CCNT2: variants seen among roughly 807,000 people sequenced by gnomAD.
The protein encoded by CCNT2 is cyclin T2, also known as cyclin-T2.
CCNT2 carries 18 observed loss-of-function variants against 70.0 expected under a neutral mutation model. The observed-to-expected ratio is 0.26, with a 90% CI of 0.18 to 0.38. The LOEUF (loss-of-function observed/expected upper bound fraction) is 0.38, where lower values mean the gene tolerates loss of function less well. Ranked by LOEUF, CCNT2 falls within the 10% of genes least tolerant of loss-of-function variation. The pLI is 1.00. For synonymous variants in CCNT2, 334 were observed against 313.3 expected, an observed-to-expected ratio of 1.07 and a Z score of -0.70; for missense variants, 734 against 890.2, an observed-to-expected ratio of 0.82 and a Z score of 2.23.
intron 2 of CCNT2, among the ~76,000 whole-genome samples, chr2:134,934,332 G>T (rs571222386): frequency 1.1e-4 from 16 of 152,294 alleles, no homozygotes; most frequent in African/African-American, 3.6e-4. Context: ...AACCAAACCA[G>T]CTGTACTCCT....
Position 134,957,798 on chromosome 2 carries a change from A to AG in CCNT2, c.*3150_*3151insG, listed in dbSNP as rs1683012505. 6.6e-6 allele frequency: 1 copy of AG among 152,184 alleles called. No homozygotes were observed. The highest frequency in any genetic ancestry group is 2.4e-5 in the African/African-American group (1 of 41,446). 9.4% of individuals were successfully genotyped at this position (152,184 alleles called of 1,614,324 possible). A position where few individuals can be genotyped will look rare whatever the true frequency, so the allele number is the denominator to read the frequency against. The stretch of plus-strand genomic sequence containing the variant: ...CAGATTCCTTCTGGTTAAAGTTCTT[A>AG]TTCAGAGTCATCTAAAAGAAATTTC... On this transcript the variant is annotated 3_prime_UTR_variant, in exon 9 of 9. Transcript: ENST00000264157.
chr2:134,937,416 T>G (rs2105050371), intron 3 of CCNT2, among the ~76,000 whole-genome samples: 1 of 152,360 alleles, frequency 6.6e-6, no homozygotes, highest in South Asian at 2.1e-4. Context: ...CATGTACTAC[T>G]GCTTATCTCT....
At position 134,954,189 on chromosome 2, in the gene CCNT2, G is replaced by T; in HGVS notation, c.1734G>T (p.Ser578=). The stretch of plus-strand genomic sequence containing the variant: ...CCAGCAGCCACAAGCATTCCCACTC[G>T]CATAGTGGCAGCAGCAGCGGTGGCA... The part of the protein sequence containing the change: ...HHTSSHKHSH[S]HSGSSSGGSK... The change falls in exon 9 of 9, where the codon TCG becomes TCT. Residue 578 remains serine, a synonymous_variant. Coordinates refer to ENST00000264157, the MANE Select transcript of CCNT2 (RefSeq NM_058241.3). 6.2e-7 allele frequency: 1 copy of T among 1,614,090 alleles called. No homozygotes were observed. The highest frequency in any genetic ancestry group is 8.5e-7 in the Non-Finnish European group (1 of 1,179,990).
chr2:134,959,166 CAG>C lies in CCNT2; in HGVS notation c.*4519_*4520del, dbSNP rs1205931526. ...AAAATACATACTCATTTGTTGTAAA[CAG>C]TGATTGTGGGGTTTCATTTTCTGAA... On this transcript the variant is annotated 3_prime_UTR_variant, in exon 9 of 9. Coordinates refer to ENST00000264157, the MANE Select transcript of CCNT2 (RefSeq NM_058241.3). 2.0e-5 allele frequency: 3 copies of C among 151,788 alleles called. No homozygotes were observed. Among genetic ancestry groups the C allele is most frequent in the Non-Finnish European group, 4.4e-5 (3 of 67,946 alleles). 9.4% of individuals were successfully genotyped at this position (151,788 alleles called of 1,614,324 possible).
intron 4 of CCNT2, among the ~76,000 whole-genome samples, chr2:134,942,265 T>C (rs1681634793): frequency 6.6e-6 from 1 of 151,958 alleles, no homozygotes; most frequent in Admixed American, 6.6e-5. Context: ...AGCTTTGGAA[T>C]ATTAAGAAAG....
chr2:134,937,643 C>T (rs1190106851), intron 3 of CCNT2, among the ~76,000 whole-genome samples: 1 of 152,148 alleles, frequency 6.6e-6, no homozygotes, highest in Non-Finnish European at 1.5e-5. Flanking sequence ...CGGCCAGGCA[C>T]AGTGGCTCAT....
At position 134,946,176 on chromosome 2, in the gene CCNT2, G is replaced by T. The variant is rs531147102; in HGVS notation, c.539+30G>T. ...TTATCCTGACCCTCTTTGTTGCACT[G>T]TTGTAGCACACTATAGCTTCCTTTA... is the stretch of plus-strand genomic sequence containing the variant. On this transcript the variant is annotated intron_variant, in intron 6 of 8. Coordinates refer to ENST00000264157, the MANE Select transcript of CCNT2 (RefSeq NM_058241.3). 29 of 1,609,016 alleles carry T rather than the reference G, an allele frequency of 1.8e-5. No homozygotes were observed. The South Asian group carries it at 2.5e-4, about 14-fold the overall frequency.
chr2:134,936,851 C>A lies in CCNT2; in HGVS notation c.251C>A (p.Ser84Tyr). ...TTATCTTTTCTGCAGATAATATCGT[C>A]TACTGCATTATTTTTGGCTGCAAAA... is the stretch of plus-strand genomic sequence containing the variant. ...FTKFNKNIIS[S>Y]TALFLAAKVE... Residue 84 changes from serine to tyrosine, a missense_variant, in exon 3 of 9, where the codon TCT becomes TAT. By Grantham distance (144) the Ser-to-Tyr change is moderately radical. Transcript: ENST00000264157. The A allele has an allele frequency of 6.2e-7, 1 of 1,612,772 alleles. No homozygotes were observed. Among genetic ancestry groups the A allele is most frequent in the Non-Finnish European group, 8.5e-7 (1 of 1,179,260 alleles).
At chr2:134,940,836 T>A (rs2105059075) in intron 4 of CCNT2, among the ~76,000 whole-genome samples, 1 of 152,282 alleles carries the variant, frequency 6.6e-6, no homozygotes, top group Admixed American at 6.5e-5. Context: ...AGATGAAAGT[T>A]GTGATGTTAC....
At chr2:134,932,320 A>G (rs1162548041) in intron 2 of CCNT2, among the ~76,000 whole-genome samples, 1 of 152,160 alleles carries the variant, frequency 6.6e-6, no homozygotes, top group Non-Finnish European at 1.5e-5. Context: ...TCTTTTTTAG[A>G]AACATTCATA....
At chr2:134,934,358 A>G (rs1170585786) in intron 2 of CCNT2, among the ~76,000 whole-genome samples, 1 of 152,210 alleles carries the variant, frequency 6.6e-6, no homozygotes, top group Non-Finnish European at 1.5e-5. Flanking sequence ...ACTAGTGTGA[A>G]TTATTTGGCT....
At chr2:134,935,727 A>G (rs1462135392) in intron 2 of CCNT2, among the ~76,000 whole-genome samples, 1 of 152,062 alleles carries the variant, frequency 6.6e-6, no homozygotes, top group Non-Finnish European at 1.5e-5. Context: ...TACATATTCA[A>G]ACTTCATGTT....
intron 2 of CCNT2, among the ~76,000 whole-genome samples, chr2:134,928,274 C>CTTTTTTTT (rs551173090): frequency 0.023 from 2,224 of 96,304 alleles, 195 homozygotes; most frequent in African/African-American, 0.072. Context: ...CATTGTATTT[C>CTTTTTTTT]TTTTTTTTTT....
intron 5 of CCNT2, chr2:134,943,728 TTC>T (rs1681741107): frequency 1.0e-6 from 1 of 985,098 alleles, no homozygotes; most frequent in African/African-American, 1.7e-5. Context: ...TTGCATGTTG[TTC>T]TGCTTCTTAC....
In CCNT2 at chr2:134,955,418, CCTAA is replaced by C. The variant is rs1480206533; in HGVS notation, c.*773_*776del. On this transcript the variant is annotated 3_prime_UTR_variant, in exon 9 of 9. Transcript: ENST00000264157. ...GACCAGATTGGCTGCTGAAATAGCC[CCTAA>C]CTTTCTGAAGGCTTGAAGAGGAAAA... 6.6e-6 allele frequency: 1 copy of C among 152,522 alleles called. No homozygotes were observed. The highest frequency in any genetic ancestry group is 1.5e-5 in the Non-Finnish European group (1 of 68,030). The allele number at this position is 152,522 out of a possible 1,614,324, so 9.4% of individuals were successfully genotyped here.
At chr2:134,946,272 C>A in intron 6 of CCNT2, 126 bp downstream of exon 6, 1 of 1,296,180 alleles carries the variant, frequency 7.7e-7, no homozygotes, top group Non-Finnish European at 1.1e-6. Flanking sequence ...TGTGGTGGTA[C>A]CTTCCTGTTT....
Position 134,953,854 on chromosome 2 carries a change from C to A in CCNT2, c.1399C>A (p.Gln467Lys), listed in dbSNP as rs1415475195. The change falls in exon 9 of 9, where the codon CAA (glutamine) becomes AAA (lysine). Residue 467 changes from glutamine to lysine, a missense_variant. Transcript: ENST00000264157. ...TGCCCAGGTAGAACAGCAGCACAAA[C>A]AAGGGCAGTCACAGGCAGCCAGCAG... ...IAAQVEQQHKQGQSQAASSSS... is the reference protein window; with the variant it reads ...IAAQVEQQHKKGQSQAASSSS... 5 of 1,614,076 alleles carry A rather than the reference C, an allele frequency of 3.1e-6. No homozygotes were observed. Among genetic ancestry groups the A allele is most frequent in the Non-Finnish European group, 4.2e-6 (5 of 1,179,996 alleles).
At chr2:134,929,030 A>G (rs918795076) in intron 2 of CCNT2, among the ~76,000 whole-genome samples, 4 of 152,228 alleles carry the variant, frequency 2.6e-5, no homozygotes, top group Admixed American at 2.6e-4. Flanking sequence ...GTAGACTTAA[A>G]TATCTGTTAA....
At chr2:134,921,774 C>G (rs1207394691) in intron 2 of CCNT2, among the ~76,000 whole-genome samples, 3 of 152,222 alleles carry the variant, frequency 2.0e-5, no homozygotes, top group Non-Finnish European at 2.9e-5. Flanking sequence ...CATTTGCATT[C>G]TAGCTTTCAC....
Sources: gnomAD v4.1 joint callset for allele counts (sites outside exome capture counted in the v4.1 genomes callset) on GRCh38, gnomAD v4.1.1 for gene constraint, MANE v1.5 for transcripts, NCBI Gene and HGNC (gene_info 2026-07-23, HGNC 2026-07-21) for gene names.